CIP2A: variants seen among roughly 807,000 people sequenced by gnomAD.
The protein encoded by CIP2A is protein CIP2A.
Under a neutral mutation model 110.9 loss-of-function variants are expected in CIP2A, and 103 were observed. The ratio of observed to expected loss-of-function variants is 0.93; its 90% confidence interval spans 0.79 to 1.09. The LOEUF is 1.09. Ranked by LOEUF, CIP2A falls within the 50% of genes least tolerant of loss-of-function variation. CIP2A has a pLI of 0.00. For synonymous variants in CIP2A, 381 were observed against 361.6 expected, an observed-to-expected ratio of 1.05 and a Z score of -0.61; for missense variants, 1,088 against 1,038.4, an observed-to-expected ratio of 1.05 and a Z score of -0.66.
At position 108,575,503 on chromosome 3, in the gene CIP2A, TGTATATATACACATACATATATACAC is replaced by T. The variant is rs1489459071; in HGVS notation, c.894+742_894+767del. On this transcript the variant is annotated intron_variant, in intron 8 of 20. Transcript: ENST00000295746. ...ACATATATGCACACATATGTATATATGTATATATACACATACATATATACACGTATATATACTCATATACATGTGTA... is the reference window on the plus strand; with the variant it reads ...ACATATATGCACACATATGTATATATGTATATATACTCATATACATGTGTA... 2.9e-3 allele frequency among the ~76,000 whole-genome samples: 436 copies of T among 149,646 alleles called. 8 individuals carry two copies. Among genetic ancestry groups the T allele is most frequent in the African/African-American group, 0.01 (417 of 40,572 alleles).
At chr3:108,560,889 G>T (rs772999209) in intron 13 of CIP2A, 48 bp from the exon 14 acceptor site, 11 of 1,326,362 alleles carry the variant, frequency 8.3e-6, no homozygotes, top group Non-Finnish European at 8.1e-6. Context: ...GAAAATAGAA[G>T]AAAAGGCAGA....
chr3:108,554,533 CAT>C (rs777394075), intron 17 of CIP2A, 44 bp from the exon 18 acceptor site: 3 of 788,482 alleles, frequency 3.8e-6, no homozygotes, highest in East Asian at 5.4e-5. Context: ...TGGAGGAAAA[CAT>C]ATGAAGGAGA....
At position 108,558,779 on chromosome 3, in the gene CIP2A, G is replaced by A. The variant is rs140985161; in HGVS notation, c.2013+978C>T. 4.6e-3 allele frequency among the ~76,000 whole-genome samples: 694 copies of A among 152,248 alleles called. 3 individuals are homozygous for A. Among genetic ancestry groups the A allele is most frequent in the African/African-American group, 0.015 (629 of 41,554 alleles). ...CCAGACATGGAAAGTCAAGTGCCAC[G>A]ACAAGGAAATACGAGAATATGTCAA... is the stretch of plus-strand genomic sequence containing the variant. On this transcript the variant is annotated intron_variant, in intron 16 of 20. Coordinates refer to ENST00000295746, the MANE Select transcript of CIP2A (RefSeq NM_020890.3).
chr3:108,577,303 G>C (rs1421849386), intron 7 of CIP2A, among the ~76,000 whole-genome samples: 2 of 152,142 alleles, frequency 1.3e-5, no homozygotes, highest in African/African-American at 4.8e-5. Flanking sequence ...TCTGGTTGAA[G>C]AAAAAGTTTT....
At chr3:108,579,026 T>C (rs997675090) in intron 7 of CIP2A, among the ~76,000 whole-genome samples, 3 of 152,158 alleles carry the variant, frequency 2.0e-5, no homozygotes, top group Non-Finnish European at 4.4e-5. Context: ...AAGATGTCTA[T>C]ATTTTGGAGA....
intron 11 of CIP2A, among the ~76,000 whole-genome samples, chr3:108,566,156 T>C (rs1040770143): frequency 6.6e-6 from 1 of 151,778 alleles, no homozygotes; most frequent in African/African-American, 2.4e-5. Context: ...ACTACTCTTC[T>C]GTTTTTTCAT....
chr3:108,586,870 C>A (rs937862496), intron 1 of CIP2A, among the ~76,000 whole-genome samples: 2 of 152,138 alleles, frequency 1.3e-5, no homozygotes, highest in African/African-American at 4.8e-5. Flanking sequence ...CTGCATGGGG[C>A]TATAAAAGTG....
chr3:108,581,250 T>A (rs996225751), intron 5 of CIP2A, among the ~76,000 whole-genome samples, 165 bp downstream of exon 5: 3 of 152,258 alleles, frequency 2.0e-5, no homozygotes, highest in African/African-American at 7.2e-5. Context: ...GCTGAAGTGC[T>A]TCAAGTTATT....
Position 108,576,333 on chromosome 3 carries a change from A to G in CIP2A, c.832T>C (p.Ser278Pro), listed in dbSNP as rs1384212437. ...CCTAATACTTGGTGAAGACATGAAG[A>G]AAAGTGCTCATATCTAGGTTTAGAA... ...ADYLTRYEHF[S>P]SCLHQVLGLL... is the part of the protein sequence containing the mutation. The change falls in exon 8 of 21, where the codon TCT becomes CCT. Residue 278 changes from serine (S) to proline (P), a missense_variant. Transcript: ENST00000295746. 5.2e-6 allele frequency: 8 copies of G among 1,550,670 alleles called. No individual in the cohort carries two copies. Among genetic ancestry groups the G allele is most frequent in the Middle Eastern group, 1.7e-4 (1 of 5,904 alleles).
chr3:108,575,409 T>C (rs1024077224), intron 8 of CIP2A, among the ~76,000 whole-genome samples: 3 of 139,960 alleles, frequency 2.1e-5, no homozygotes, highest in Non-Finnish European at 3.2e-5. Flanking sequence ...CACATGTGTA[T>C]GTATACATAT....
intron 2 of CIP2A, 28 bp downstream of exon 2, chr3:108,585,037 A>T (rs779948791): frequency 1.9e-6 from 3 of 1,589,006 alleles, no homozygotes; most frequent in Middle Eastern, 1.7e-4. Context: ...TCTTCCAAAA[A>T]CTAAAAAGGA....
intron 10 of CIP2A, among the ~76,000 whole-genome samples, chr3:108,567,063 G>A (rs1379385006): frequency 1.3e-5 from 2 of 151,772 alleles, no homozygotes; most frequent in Admixed American, 6.6e-5. Context: ...CCAAGGTCAA[G>A]CAATCATGTA....
intron 1 of CIP2A, chr3:108,585,710 G>T (rs1175670546): frequency 2.2e-6 from 1 of 456,496 alleles, no homozygotes; most frequent in East Asian, 6.9e-5. Flanking sequence ...GGTAGTTATG[G>T]GATTATTCCT....
intron 5 of CIP2A, 139 bp downstream of exon 5, chr3:108,581,276 C>A (rs1463669217): frequency 1.6e-6 from 1 of 622,146 alleles, no homozygotes; most frequent in East Asian, 2.8e-5. Flanking sequence ...GTCAATCTGA[C>A]TCTTAATTTT....
At chr3:108,582,226 A>G (rs779637416) in intron 3 of CIP2A, 24 bp from the exon 4 acceptor site, 1 of 990,966 alleles carries the variant, frequency 1.0e-6, no homozygotes, top group South Asian at 1.7e-5. Context: ...AATAGTTATA[A>G]ATATAAAGAT....
At chr3:108,558,190 T>C (rs1392741251) in intron 16 of CIP2A, among the ~76,000 whole-genome samples, 1 of 152,146 alleles carries the variant, frequency 6.6e-6, no homozygotes, top group Admixed American at 6.6e-5. Flanking sequence ...ATGTTCTTTC[T>C]TGTAATTTGT....
In CIP2A at chr3:108,550,975, T is replaced by C. The variant is rs2083888765; in HGVS notation, c.*174A>G. The C allele has an allele frequency of 2.6e-6, 1 of 378,218 alleles. No individual in the cohort carries two copies. The highest frequency in any genetic ancestry group is 2.1e-5 in the African/African-American group (1 of 47,968). The allele number at this position is 378,218 out of a possible 1,614,324, so 23.4% of individuals were successfully genotyped here. Reference sequence around the variant, plus strand: ...AAAAAGTAAAACTTAGAAAATTAAATTTCTATTCAAACTATCAAATAAAAA... The same window carrying C: ...AAAAAGTAAAACTTAGAAAATTAAACTTCTATTCAAACTATCAAATAAAAA... On this transcript the variant is annotated 3_prime_UTR_variant, in exon 21 of 21. Coordinates refer to ENST00000295746, the MANE Select transcript of CIP2A (RefSeq NM_020890.3).
intron 5 of CIP2A, among the ~76,000 whole-genome samples, chr3:108,580,852 T>C (rs1938849521): frequency 6.6e-6 from 1 of 152,160 alleles, no homozygotes; most frequent in African/African-American, 2.4e-5. Flanking sequence ...GGTCTCCATC[T>C]CCTGACCTTG....
Position 108,553,741 on chromosome 3 carries a change from T to A in CIP2A, c.2325-11A>T, listed in dbSNP as rs1937673053. The A allele has an allele frequency of 1.3e-6, 2 of 1,485,884 alleles. No homozygotes were observed. The highest frequency in any genetic ancestry group is 9.3e-7 in the Non-Finnish European group (1 of 1,076,120). The allele number at this position is 1,485,884 out of a possible 1,614,324, so 92.0% of individuals were successfully genotyped here. A position where few individuals can be genotyped will look rare whatever the true frequency, so the allele number is the denominator to read the frequency against. On this transcript the variant is annotated splice_polypyrimidine_tract_variant and intron_variant, in intron 18 of 20. Transcript: ENST00000295746. ...AATTGGGCAATACTTCTGAAGTTAT[T>A]AAAAAAAATAGAAGAAAACATTAAT...
Sources: allele counts gnomAD v4.1 joint callset (sites outside exome capture counted in the v4.1 genomes callset), GRCh38; gene constraint gnomAD v4.1.1; transcripts MANE v1.5; gene names NCBI Gene and HGNC (gene_info 2026-07-23, HGNC 2026-07-21).